TMEM63C: variants seen among roughly 807,000 people sequenced by gnomAD.
TMEM63C encodes the protein osmosensitive cation channel TMEM63C.
Under a neutral mutation model 99.2 loss-of-function variants are expected in TMEM63C, and 32 were observed. The observed-to-expected ratio is 0.32, with a 90% confidence interval of 0.24 to 0.43. TMEM63C has a LOEUF of 0.43. Ranked by LOEUF, TMEM63C falls within the 20% of genes least tolerant of loss-of-function variation. The pLI is 1.00. For synonymous variants in TMEM63C, 376 were observed against 397.9 expected, an observed-to-expected ratio of 0.94 and a Z score of 0.66; for missense variants, 826 against 1,053.0, an observed-to-expected ratio of 0.78 and a Z score of 2.98.
intron 21 of TMEM63C, among the ~76,000 whole-genome samples, chr14:77,250,732 G>A (rs936443260): frequency 1.3e-5 from 2 of 152,056 alleles, no homozygotes; most frequent in South Asian, 2.1e-4. Flanking sequence ...CCATACGGTC[G>A]ACTCTCAGTC....
chr14:77,238,671 C>G, intron 9 of TMEM63C, 23 bp from the exon 10 acceptor site: 3 of 1,597,680 alleles, frequency 1.9e-6, no homozygotes, highest in Non-Finnish European at 2.6e-6. Flanking sequence ...TCTTCTTTCT[C>G]CATTTTTATT....
At chr14:77,211,165 G>A (rs1201155800) in intron 1 of TMEM63C, among the ~76,000 whole-genome samples, 2 of 152,166 alleles carry the variant, frequency 1.3e-5, no homozygotes, top group Non-Finnish European at 2.9e-5. Context: ...TTTGAGCAAG[G>A]TCATCCCCTT....
chr14:77,256,671 A>T lies in TMEM63C; in HGVS notation c.2366A>T (p.Asp789Val), dbSNP rs745727108. The T allele has an allele frequency of 1.9e-6, 3 of 1,613,836 alleles. No homozygotes were observed. In the Admixed American group the frequency reaches 5.0e-5, roughly 27 times the overall value. Residue 789 changes from aspartate to valine, a missense_variant, in exon 24 of 24, where the codon GAC becomes GTC. Transcript: ENST00000298351. ...CTGAGGGGCTTTGCGAGGGAGCTAG[A>T]CTCGGCCCAGTTCCAGGAAGGGCTG... ...SGLRGFAREL[D>V]SAQFQEGLEL...
intron 1 of TMEM63C, among the ~76,000 whole-genome samples, chr14:77,200,440 G>T (rs1229487550): frequency 6.6e-6 from 1 of 152,238 alleles, no homozygotes; most frequent in African/African-American, 2.4e-5. Context: ...TGGTAGCAGG[G>T]ATTCTCAGGT....
chr14:77,182,645 C>T (rs986141914), intron 1 of TMEM63C, among the ~76,000 whole-genome samples: 2 of 152,166 alleles, frequency 1.3e-5, no homozygotes, highest in African/African-American at 4.8e-5. Flanking sequence ...GACCTCCCCC[C>T]ACCCCAGCAC....
chr14:77,203,195 T>C (rs1296257477), intron 1 of TMEM63C, among the ~76,000 whole-genome samples: 2 of 151,812 alleles, frequency 1.3e-5, no homozygotes, highest in Non-Finnish European at 2.9e-5. Context: ...CCGGCCAACA[T>C]AGTGAAACCC....
At chr14:77,239,804 A>T in intron 12 of TMEM63C, 78 bp downstream of exon 12, 1 of 1,547,464 alleles carries the variant, frequency 6.5e-7, no homozygotes, top group Non-Finnish European at 8.7e-7. Flanking sequence ...CTTTGCCCGC[A>T]CTGTTGGGCC....
At chr14:77,183,339 G>A (rs1887945057) in intron 1 of TMEM63C, among the ~76,000 whole-genome samples, 1 of 152,198 alleles carries the variant, frequency 6.6e-6, no homozygotes, top group Non-Finnish European at 1.5e-5. Context: ...TGATGGGTGT[G>A]GAGGAGGTCG....
chr14:77,192,822 A>G (rs925549783), intron 1 of TMEM63C, among the ~76,000 whole-genome samples: 4 of 152,072 alleles, frequency 2.6e-5, no homozygotes, highest in Admixed American at 2.6e-4. Context: ...AAGAAAAAGA[A>G]GAAGAGGAAG....
intron 20 of TMEM63C, among the ~76,000 whole-genome samples, 157 bp downstream of exon 20, chr14:77,249,029 G>A (rs920230453): frequency 2.6e-5 from 4 of 152,208 alleles, no homozygotes; most frequent in African/African-American, 7.2e-5. Flanking sequence ...GGCAGCTGAG[G>A]TTGGATGGCT....
chr14:77,197,219 A>G (rs960739722), intron 1 of TMEM63C, among the ~76,000 whole-genome samples: 3 of 152,244 alleles, frequency 2.0e-5, no homozygotes, highest in African/African-American at 7.2e-5. Context: ...GGTGTTGGCC[A>G]AGAGCATCGT....
At chr14:77,184,991 C>G (rs1287147974) in intron 1 of TMEM63C, among the ~76,000 whole-genome samples, 1 of 152,182 alleles carries the variant, frequency 6.6e-6, no homozygotes, top group Non-Finnish European at 1.5e-5. Context: ...ACATTCCTTG[C>G]CAACACCCCT....
chr14:77,240,752 T>G, intron 13 of TMEM63C, 144 bp downstream of exon 13: 1 of 1,074,900 alleles, frequency 9.3e-7, no homozygotes, highest in Non-Finnish European at 1.3e-6. Flanking sequence ...GGCTCTCCAG[T>G]GGATGAGATG....
chr14:77,248,976 G>A (rs1889312464), intron 20 of TMEM63C, 104 bp downstream of exon 20: 1 of 1,176,496 alleles, frequency 8.5e-7, no homozygotes, highest in Admixed American at 1.7e-5. Flanking sequence ...GGGGAGACCT[G>A]TGGTAGGGAG....
At chr14:77,246,952 C>T (rs1253627627) in intron 18 of TMEM63C, among the ~76,000 whole-genome samples, 3 of 152,136 alleles carry the variant, frequency 2.0e-5, no homozygotes, top group Non-Finnish European at 4.4e-5. Context: ...GTTCCATGAG[C>T]CCTTTATCCA....
chr14:77,189,203 A>G (rs1341282879), intron 1 of TMEM63C, among the ~76,000 whole-genome samples: 1 of 151,012 alleles, frequency 6.6e-6, no homozygotes, highest in Admixed American at 6.6e-5. Flanking sequence ...TTCACTTTTC[A>G]GGCTCAAGCG....
At chr14:77,252,314 CTCCTT>C (rs991314002) in intron 22 of TMEM63C, among the ~76,000 whole-genome samples, 1 of 152,170 alleles carries the variant, frequency 6.6e-6, no homozygotes, top group Non-Finnish European at 1.5e-5. Context: ...GTCATTTTCT[CTCCTT>C]TAAGACCCCA....
intron 1 of TMEM63C, among the ~76,000 whole-genome samples, chr14:77,200,093 T>G (rs765216724): frequency 6.6e-6 from 1 of 152,212 alleles, no homozygotes; most frequent in Non-Finnish European, 1.5e-5. Context: ...AAATACCTCT[T>G]GCTGCAGCTG....
chr14:77,248,272 C>T, intron 18 of TMEM63C, 75 bp from the exon 19 acceptor site: 2 of 1,363,486 alleles, frequency 1.5e-6, no homozygotes, highest in Non-Finnish European at 2.0e-6. Flanking sequence ...CTGCTCTCCT[C>T]TCTCTCCTCC....
Sources: gnomAD v4.1 joint callset for allele counts (sites outside exome capture counted in the v4.1 genomes callset) on GRCh38, gnomAD v4.1.1 for gene constraint, MANE v1.5 for transcripts, NCBI Gene and HGNC (gene_info 2026-07-23, HGNC 2026-07-21) for gene names.